Variants in IFT74 observed in about 807,000 individuals in gnomAD.
IFT74 encodes the protein intraflagellar transport protein 74 homolog.
Under a neutral mutation model 96.7 loss-of-function variants are expected in IFT74, and 92 were observed. The ratio of observed to expected loss-of-function variants is 0.95; its 90% confidence interval spans 0.80 to 1.13. The LOEUF (loss-of-function observed/expected upper bound fraction) is 1.13, where lower values mean the gene tolerates loss of function less well. Ranked by LOEUF, IFT74 falls within the 50% of genes most tolerant of loss-of-function variation. The probability of loss-of-function intolerance (pLI) is 0.00; values close to 1 mark genes in which losing one functional copy is unlikely to be tolerated. For missense variants in IFT74, 811 were observed against 698.2 expected, an observed-to-expected ratio of 1.16 and a Z score of -1.82; for synonymous variants, 223 against 213.2, an observed-to-expected ratio of 1.05 and a Z score of -0.40.
At chr9:27,053,520 T>C (rs2131698191) in intron 16 of IFT74, among the ~76,000 whole-genome samples, 1 of 152,326 alleles carries the variant, frequency 6.6e-6, no homozygotes, top group South Asian at 2.1e-4. Flanking sequence ...CGGGTCAAAG[T>C]GGTTCCTTCT....
intron 16 of IFT74, among the ~76,000 whole-genome samples, chr9:27,052,632 G>C (rs960817312): frequency 1.3e-5 from 2 of 151,622 alleles, no homozygotes; most frequent in East Asian, 3.9e-4. Context: ...TAAGGATTTT[G>C]CTGGAAATTT....
intron 16 of IFT74, among the ~76,000 whole-genome samples, chr9:27,050,697 G>A (rs1473078739): frequency 7.2e-6 from 1 of 139,706 alleles, no homozygotes; most frequent in African/African-American, 2.6e-5. Flanking sequence ...AGAACACTTG[G>A]ACACAGGAAG....
rs144657628 is a variant in IFT74, at chr9:26,977,245, C to A, written c.121-883C>A. 3.2e-3 allele frequency among the ~76,000 whole-genome samples: 488 copies of A among 152,212 alleles called. 1 individual carries two copies. Among genetic ancestry groups the A allele is most frequent in the Middle Eastern group, 0.014 (4 of 292 alleles). On this transcript the variant is annotated intron_variant, in intron 2 of 19. Transcript: ENST00000380062. Reference sequence around the variant, plus strand: ...CTTCTCATCTCAGACTGCCAAGTAGCTGGGCCTGTTGGTGCATGCCACCAT... The same window carrying A: ...CTTCTCATCTCAGACTGCCAAGTAGATGGGCCTGTTGGTGCATGCCACCAT...
At chr9:27,044,185 G>A (rs1819593916) in intron 13 of IFT74, among the ~76,000 whole-genome samples, 1 of 152,104 alleles carries the variant, frequency 6.6e-6, no homozygotes, top group Admixed American at 6.5e-5. Flanking sequence ...GACATTTGCA[G>A]TTTCTGTATT....
intron 13 of IFT74, among the ~76,000 whole-genome samples, chr9:27,043,741 A>G (rs777511302): frequency 3.3e-5 from 5 of 152,216 alleles, no homozygotes; most frequent in Non-Finnish European, 7.3e-5. Flanking sequence ...TGGGAATCAT[A>G]CTTGATTCCT....
intron 16 of IFT74, among the ~76,000 whole-genome samples, chr9:27,051,682 T>C (rs1198089669): frequency 6.6e-6 from 1 of 152,236 alleles, no homozygotes; most frequent in Non-Finnish European, 1.5e-5. Flanking sequence ...ACAGTATTTG[T>C]CCTTTTGGGA....
chr9:26,985,001 C>G (rs971081742), intron 6 of IFT74, among the ~76,000 whole-genome samples: 2 of 152,126 alleles, frequency 1.3e-5, no homozygotes, highest in Non-Finnish European at 2.9e-5. Flanking sequence ...AAGACACATG[C>G]ACATGTGTGT....
chr9:26,998,173 A>G (rs1828271616), intron 8 of IFT74: 1 of 1,579,852 alleles, frequency 6.3e-7, no homozygotes, highest in African/African-American at 1.4e-5. Flanking sequence ...GATCAAGTAT[A>G]GTAACATCTT....
chr9:26,995,349 T>G (rs1828087088), intron 8 of IFT74: 2 of 537,778 alleles, frequency 3.7e-6, no homozygotes, highest in Non-Finnish European at 6.6e-6. Flanking sequence ...GTTACTGTAT[T>G]TGAACCTGCT....
At chr9:26,999,763 G>A (rs1306842216) in intron 8 of IFT74, 3 of 477,052 alleles carry the variant, frequency 6.3e-6, no homozygotes, top group African/African-American at 2.5e-5. Flanking sequence ...TTTTGAATCT[G>A]TTTATTCTTT....
intron 2 of IFT74, among the ~76,000 whole-genome samples, chr9:26,968,326 A>G (rs549164786): frequency 3.3e-5 from 5 of 151,550 alleles, no homozygotes; most frequent in Admixed American, 6.6e-5. Flanking sequence ...CAGTGACGCA[A>G]TCTCTGCTCA....
At chr9:27,048,987 G>A (rs1587414566) in intron 16 of IFT74, among the ~76,000 whole-genome samples, 2 of 152,234 alleles carry the variant, frequency 1.3e-5, no homozygotes, top group South Asian at 4.2e-4. Context: ...TCTCGTGAAT[G>A]GCTCAGTGTC....
chr9:26,953,437 T>C (rs1825993759), upstream of IFT74, among the ~76,000 whole-genome samples: 1 of 152,232 alleles, frequency 6.6e-6, no homozygotes, highest in South Asian at 2.1e-4. Context: ...TTTATATGTA[T>C]AAATTCAGTG....
At chr9:26,997,719 A>G (rs1828240362) in intron 8 of IFT74, 2 of 1,577,006 alleles carry the variant, frequency 1.3e-6, no homozygotes, top group Non-Finnish European at 1.7e-6. Context: ...CTTAATTATG[A>G]TAGCTTACCT....
At chr9:26,957,675 T>C (rs886151291) in intron 1 of IFT74, among the ~76,000 whole-genome samples, 1 of 152,138 alleles carries the variant, frequency 6.6e-6, no homozygotes, top group Non-Finnish European at 1.5e-5. Flanking sequence ...TGCATGACTG[T>C]AGAAAGGATA....
Position 27,044,619 on chromosome 9 carries a change from C to T in IFT74, c.1055-123C>T, listed in dbSNP as rs1244007141. ...TATAAGTCATTGTAAAAGAATTTCACCTAATCGAACACGTCGAATAGTCAA... is the reference window on the plus strand; with the variant it reads ...TATAAGTCATTGTAAAAGAATTTCATCTAATCGAACACGTCGAATAGTCAA... On this transcript the variant is annotated intron_variant, in intron 13 of 19. Transcript: ENST00000380062. 13 of 580,158 alleles carry T rather than the reference C, an allele frequency of 2.2e-5. No individual in the cohort carries two copies. In the East Asian group the frequency reaches 3.9e-4, roughly 17 times the overall value. 35.9% of individuals were successfully genotyped at this position (580,158 alleles called of 1,614,324 possible). A position where few individuals can be genotyped will look rare whatever the true frequency, so the allele number is the denominator to read the frequency against.
chr9:27,048,165 A>T lies in IFT74; in HGVS notation c.1224A>T (p.Glu408Asp), dbSNP rs1819774070. ...AAATGCAGAATATAAATCGTATAGA[A>T]CAGATATCCTCTATCACCAATCAAG... ...EHCSRNINRI[E>D]QISSITNQEL... Residue 408 changes from glutamate (E) to aspartate (D), a missense_variant, in exon 16 of 20, where the codon GAA (glutamate) becomes GAT (aspartate). Glu to Asp is a conservative substitution (Grantham distance 45). Transcript: ENST00000380062. 6.3e-7 allele frequency: 1 copy of T among 1,596,084 alleles called. No individual in the cohort carries two copies. The highest frequency in any genetic ancestry group is 1.7e-5 in the Admixed American group (1 of 58,972).
intron 1 of IFT74, chr9:26,947,186 T>C (rs967644773): frequency 3.9e-6 from 4 of 1,015,666 alleles, no homozygotes; most frequent in Non-Finnish European, 5.4e-6. Flanking sequence ...CGAGAGCCGG[T>C]ACGGAAGGGC....
intron 10 of IFT74, among the ~76,000 whole-genome samples, chr9:27,012,245 CAG>C (rs1261073896): frequency 2.6e-5 from 4 of 152,114 alleles, no homozygotes; most frequent in African/African-American, 7.2e-5. Context: ...TTTTTAGAGA[CAG>C]AGTCTTTCTT....
Sources: allele counts gnomAD v4.1 joint callset (sites outside exome capture counted in the v4.1 genomes callset), GRCh38; gene constraint gnomAD v4.1.1; transcripts MANE v1.5; gene names NCBI Gene and HGNC (gene_info 2026-07-23, HGNC 2026-07-21).